Variants in SLC35D1 observed in about 807,000 individuals in gnomAD.
SLC35D1 encodes the protein nucleotide sugar transporter SLC35D1.
A neutral mutation model predicts 46.7 loss-of-function variants in SLC35D1; 31 were observed. The observed-to-expected ratio is 0.66, with a 90% CI of 0.50 to 0.90. The LOEUF (loss-of-function observed/expected upper bound fraction) is 0.90. Among genes scored for constraint, SLC35D1 ranks in the 40% least tolerant of loss-of-function variants. The probability of loss-of-function intolerance (pLI) is 0.00; values close to 1 mark genes in which losing one functional copy is unlikely to be tolerated. For synonymous variants in SLC35D1, 195 were observed against 164.6 expected (o/e 1.18, Z -1.41); for missense variants, 397 against 426.2 (o/e 0.93, Z 0.60).
At chr1:67,014,670 G>GT (rs34459732) in intron 10 of SLC35D1, among the ~76,000 whole-genome samples, 9,581 of 99,900 alleles carry the variant, frequency 0.096, 1,078 homozygotes, top group African/African-American at 0.18. Flanking sequence ...TCAATTTTTA[G>GT]TTTTTTTTTT....
At chr1:66,997,519 A>AAT (rs35571347), downstream of SLC35D1, among the ~76,000 whole-genome samples, 12,549 of 73,918 alleles carry the variant, frequency 0.17, 1,241 homozygotes, top group African/African-American at 0.28. Context: ...AAAAAAAAAA[A>AAT]ATATATATAT....
the SLC35D1 span, among the ~76,000 whole-genome samples, chr1:66,983,758 C>T: frequency 5.3e-5 from 8 of 152,222 alleles, no homozygotes; most frequent in East Asian, 3.9e-4. Context: ...GACAGAGTCT[C>T]GCTTTGTCGC....
chr1:67,036,164 G>A (rs1668119258), intron 8 of SLC35D1, among the ~76,000 whole-genome samples: 1 of 152,102 alleles, frequency 6.6e-6, no homozygotes, highest in Non-Finnish European at 1.5e-5. Flanking sequence ...GCAGCCACTG[G>A]ACGAAATGTT....
chr1:67,022,547 C>T (rs750536213), intron 8 of SLC35D1, among the ~76,000 whole-genome samples: 2 of 152,188 alleles, frequency 1.3e-5, no homozygotes, highest in Non-Finnish European at 2.9e-5. Flanking sequence ...TGCCTCAGTA[C>T]TCCTCTCTAG....
chr1:66,975,861 T>G, the SLC35D1 span, among the ~76,000 whole-genome samples: 1 of 152,326 alleles, frequency 6.6e-6, no homozygotes, highest in African/African-American at 2.4e-5. Flanking sequence ...CTGTTGGGAC[T>G]AGTAAGAGAA....
intron 8 of SLC35D1, among the ~76,000 whole-genome samples, chr1:67,026,576 G>A (rs957788543): frequency 1.3e-5 from 2 of 151,784 alleles, no homozygotes; most frequent in African/African-American, 4.8e-5. Context: ...AAGCAATCAG[G>A]GCCTGAAATT....
At position 67,049,712 on chromosome 1, in the gene SLC35D1, G is replaced by C. The variant is rs559471304; in HGVS notation, c.533+70C>G. On this transcript the variant is annotated intron_variant, in intron 6 of 11. Transcript: ENST00000235345. ...ATTTAGGCAATAAAAAATTGTTATT[G>C]ATAAGCAATCATTTATTATCAATAA... 29 of 1,353,994 alleles carry C rather than the reference G, an allele frequency of 2.1e-5. No homozygotes were observed. The East Asian group carries it at 6.3e-4, about 29-fold the overall frequency. 83.9% of individuals were successfully genotyped at this position (1,353,994 alleles called of 1,614,324 possible).
At chr1:66,975,572 A>G in the SLC35D1 span, among the ~76,000 whole-genome samples, 1 of 152,066 alleles carries the variant, frequency 6.6e-6, no homozygotes. Flanking sequence ...TATTTTATTT[A>G]TATACATCAG....
intron 3 of SLC35D1, 47 bp downstream of exon 3, chr1:67,052,724 A>G (rs1427371000): frequency 6.3e-7 from 1 of 1,595,644 alleles, no homozygotes; most frequent in Admixed American, 1.7e-5. Context: ...ATGTTAATAC[A>G]TACTGACTTC....
chr1:67,018,126 G>A (rs956617344), intron 10 of SLC35D1, among the ~76,000 whole-genome samples: 3 of 152,066 alleles, frequency 2.0e-5, no homozygotes, highest in Non-Finnish European at 2.9e-5. Context: ...CTAATAAAAC[G>A]CCCTTTGAGA....
intron 5 of SLC35D1, 144 bp from the exon 6 acceptor site, chr1:67,049,994 A>G: frequency 1.4e-6 from 1 of 710,336 alleles, no homozygotes; most frequent in Non-Finnish European, 2.4e-6. Flanking sequence ...ATTTAAAAGA[A>G]CCCCTTTGAT....
At chr1:66,997,519 A>AATATATATATATAT (rs35571347), downstream of SLC35D1, among the ~76,000 whole-genome samples, 52 of 74,018 alleles carry the variant, frequency 7.0e-4, no homozygotes, top group East Asian at 3.3e-3. Flanking sequence ...AAAAAAAAAA[A>AATATATATATATAT]ATATATATAT....
At chr1:66,982,831 C>G in the SLC35D1 span, among the ~76,000 whole-genome samples, 1 of 152,188 alleles carries the variant, frequency 6.6e-6, no homozygotes, top group Non-Finnish European at 1.5e-5. Context: ...ACAAACAAAA[C>G]TTAGGGCCCA....
chr1:66,973,831 G>C, the SLC35D1 span, among the ~76,000 whole-genome samples: 2 of 151,974 alleles, frequency 1.3e-5, no homozygotes, highest in Admixed American at 1.3e-4. Context: ...AAGGGTATTG[G>C]TTTATGTAAT....
chr1:67,032,195 G>A (rs7524757), intron 8 of SLC35D1: 1 of 560,978 alleles, frequency 1.8e-6, no homozygotes, highest in African/African-American at 2.0e-5. Flanking sequence ...CCAGTATAAT[G>A]TAAATACCCC....
intron 10 of SLC35D1, among the ~76,000 whole-genome samples, chr1:67,015,548 C>T (rs530757889): frequency 1.3e-5 from 2 of 152,112 alleles, no homozygotes; most frequent in South Asian, 2.1e-4. Flanking sequence ...TGCCACCATG[C>T]TCAGCCAATT....
rs765359274 is a variant in SLC35D1 at position 67,049,819 on chromosome 1, C to T, written c.496G>A (p.Val166Ile). 4.4e-5 allele frequency: 71 copies of T among 1,613,794 alleles called. No homozygotes were observed. Among genetic ancestry groups the T allele is most frequent in the Non-Finnish European group, 5.3e-5 (62 of 1,179,836 alleles). The change falls in exon 6 of 12, where the codon GTA (valine) becomes ATA (isoleucine). Residue 166 changes from valine (V) to isoleucine (I), a missense_variant. Coordinates refer to ENST00000235345, the MANE Select transcript of SLC35D1 (RefSeq NM_015139.3). ...KTFSWGIKMT[V>I]FAMIIGAFVA... The stretch of plus-strand genomic sequence containing the variant: ...AAGGCTCCAATAATCATTGCAAATA[C>T]AGTCATTTTAATACCCCAAGAAAAA...
chr1:67,044,164 C>T (rs990806868), intron 7 of SLC35D1, among the ~76,000 whole-genome samples: 3 of 152,044 alleles, frequency 2.0e-5, no homozygotes, highest in South Asian at 4.2e-4. Flanking sequence ...AGAGTAACCC[C>T]GTCTCTACTA....
rs918350648 is a variant in SLC35D1, at chr1:67,000,344, C to T, written c.*3996G>A. 2 of 144,564 alleles carry T rather than the reference C, an allele frequency of 1.4e-5. No individual in the cohort carries two copies. Among genetic ancestry groups the T allele is most frequent in the Non-Finnish European group, 3.0e-5 (2 of 66,078 alleles). 9.0% of individuals were successfully genotyped at this position (144,564 alleles called of 1,614,324 possible). ...GGAGTAGGGGGAAGAAAATAATTTT[C>T]CTTTATTAAAATGTACTGTCACAAT... On this transcript the variant is annotated 3_prime_UTR_variant, in exon 12 of 12. Coordinates refer to ENST00000235345, the MANE Select transcript of SLC35D1 (RefSeq NM_015139.3).
Sources: gnomAD v4.1 joint callset for allele counts (sites outside exome capture counted in the v4.1 genomes callset) on GRCh38, gnomAD v4.1.1 for gene constraint, MANE v1.5 for transcripts, NCBI Gene and HGNC (gene_info 2026-07-23, HGNC 2026-07-21) for gene names.